CADPS: variants seen among roughly 807,000 people sequenced by gnomAD.
The protein encoded by CADPS is calcium dependent secretion activator.
CADPS carries 57 observed loss-of-function variants against 167.3 expected under a neutral mutation model. That is an observed-to-expected ratio of 0.34 (90% CI 0.28 to 0.42). The LOEUF (loss-of-function observed/expected upper bound fraction) is 0.42, where lower values mean the gene tolerates loss of function less well. Ranked by LOEUF, CADPS falls within the 20% of genes least tolerant of loss-of-function variation. The pLI, the probability that CADPS is intolerant of heterozygous loss-of-function variation, is 1.00. For synonymous variants in CADPS, 676 were observed against 635.3 expected, an observed-to-expected ratio of 1.06 and a Z score of -0.96; for missense variants, 1,414 against 1,738.1, an observed-to-expected ratio of 0.81 and a Z score of 3.32.
rs572398871 is a variant in CADPS, at chr3:62,433,395, T to TG, written c.3777+4708dup. ...CAGCCCCTTCCGAAGCTGACCACAC[T>TG]GCTTGATTAAGTTCTTACGAGGTGG... On this transcript the variant is annotated intron_variant, in intron 28 of 29. Coordinates refer to ENST00000383710, the MANE Select transcript of CADPS (RefSeq NM_003716.4). The surrounding 1 kb of genome is among the most constrained non-coding windows in gnomAD (Gnocchi z 4.7). Among the ~76,000 whole-genome samples, 192 of 152,270 alleles carry TG rather than the reference T, an allele frequency of 1.3e-3. No individual in the cohort carries two copies. The highest frequency in any genetic ancestry group is 4.1e-3 in the African/African-American group (169 of 41,562).
intron 1 of CADPS, among the ~76,000 whole-genome samples, chr3:62,774,843 CT>C (rs1301833860): frequency 6.6e-6 from 1 of 152,040 alleles, no homozygotes; most frequent in Non-Finnish European, 1.5e-5. Context: ...TTGTAATAGC[CT>C]TTTCAGACAA....
intron 3 of CADPS, among the ~76,000 whole-genome samples, chr3:62,722,752 A>T (rs924529401): frequency 3.9e-5 from 6 of 152,222 alleles, no homozygotes; most frequent in African/African-American, 1.4e-4. Flanking sequence ...AGATTGATCC[A>T]GCGTATAGTT....
At chr3:62,567,040 G>A (rs1045133537) in intron 9 of CADPS, among the ~76,000 whole-genome samples, 7 of 152,142 alleles carry the variant, frequency 4.6e-5, no homozygotes, top group African/African-American at 1.7e-4. Context: ...AGAAGGCTCA[G>A]TGTGAAGGCT....
chr3:62,766,320 T>C (rs1056522209), intron 1 of CADPS, among the ~76,000 whole-genome samples: 6 of 152,172 alleles, frequency 3.9e-5, no homozygotes, highest in African/African-American at 1.4e-4. Flanking sequence ...AAATTCTATA[T>C]AAGGGAGTGC....
intron 17 of CADPS, among the ~76,000 whole-genome samples, chr3:62,501,028 TGGG>T (rs2065684821): frequency 6.6e-6 from 1 of 152,136 alleles, no homozygotes; most frequent in African/African-American, 2.4e-5. Context: ...AGTGTGAAAA[TGGG>T]CTTCCTGGAT....
rs961392717 is a variant in CADPS, at chr3:62,446,566, G to T, written c.3637-769C>A. On this transcript the variant is annotated intron_variant, in intron 26 of 29. Coordinates refer to ENST00000383710, the MANE Select transcript of CADPS (RefSeq NM_003716.4). This position sits in a 1 kb window ranked among gnomAD's most constrained non-coding sequence, Gnocchi z 4.9. Reference sequence around the variant, plus strand: ...GCCTCTGTTACCTCATCTGCAAAATGGAGTTATTATTAGTAATAGTGCTTA... The same window carrying T: ...GCCTCTGTTACCTCATCTGCAAAATTGAGTTATTATTAGTAATAGTGCTTA... Among the ~76,000 whole-genome samples, 2 of 152,136 alleles carry T rather than the reference G, an allele frequency of 1.3e-5. No individual in the cohort carries two copies. The highest frequency in any genetic ancestry group is 4.8e-5 in the African/African-American group (2 of 41,416).
chr3:62,827,531 G>A (rs1424851448), intron 1 of CADPS, among the ~76,000 whole-genome samples: 2 of 152,186 alleles, frequency 1.3e-5, no homozygotes, highest in African/African-American at 4.8e-5. Flanking sequence ...GGTTTCAAAT[G>A]AGATGCCTTT....
chr3:62,649,967 C>T lies in CADPS; in HGVS notation c.1203+880G>A, dbSNP rs1464654679. Among the ~76,000 whole-genome samples the T allele has an allele frequency of 7.2e-5, 11 of 151,988 alleles. No individual in the cohort carries two copies. In the South Asian group the frequency reaches 8.3e-4, roughly 11 times the overall value. The stretch of plus-strand genomic sequence containing the variant: ...ATTGTACGGGTATACCCCATTTTGT[C>T]GATCCATTCACCAGTTGGTTAACAT... On this transcript the variant is annotated intron_variant, in intron 5 of 29. Transcript: ENST00000383710.
intron 28 of CADPS, among the ~76,000 whole-genome samples, chr3:62,405,152 T>G (rs1256175873): frequency 1.2e-4 from 15 of 126,718 alleles, no homozygotes; most frequent in Non-Finnish European, 3.2e-5. Context: ...GGGGGGGGGC[T>G]CAACAGATCT....
chr3:62,536,830 G>A (rs1428156027), intron 11 of CADPS, among the ~76,000 whole-genome samples: 1 of 152,106 alleles, frequency 6.6e-6, no homozygotes, highest in Admixed American at 6.6e-5. Flanking sequence ...CACATTTCCA[G>A]TGCATTTATG....
chr3:62,680,082 A>C (rs2076916944), intron 3 of CADPS, among the ~76,000 whole-genome samples: 1 of 152,012 alleles, frequency 6.6e-6, no homozygotes, highest in Admixed American at 6.6e-5. Flanking sequence ...GAGCACCGTA[A>C]TCAGGTTTGT....
intron 1 of CADPS, among the ~76,000 whole-genome samples, chr3:62,867,867 A>G (rs1475817694): frequency 6.6e-6 from 1 of 152,096 alleles, no homozygotes; most frequent in African/African-American, 2.4e-5. Context: ...TACCACTACA[A>G]TTCCCATTTC....
At position 62,478,009 on chromosome 3, in the gene CADPS, G is replaced by T. The variant is rs533421371; in HGVS notation, c.3329+252C>A. The T allele has an allele frequency of 5.5e-5, 25 of 456,718 alleles. No individual in the cohort carries two copies. In the South Asian group the frequency reaches 9.6e-4, roughly 17 times the overall value. 28.3% of individuals were successfully genotyped at this position (456,718 alleles called of 1,614,324 possible). On this transcript the variant is annotated intron_variant, in intron 23 of 29. Coordinates refer to ENST00000383710, the MANE Select transcript of CADPS (RefSeq NM_003716.4). This position sits in a 1 kb window ranked among gnomAD's most constrained non-coding sequence, Gnocchi z 5.7. The stretch of plus-strand genomic sequence containing the variant: ...TCAGGGATACAAAAAAGAATGGACA[G>T]GGATCTTTTCCTCTTAAAGCCAACA...
Position 62,516,681 on chromosome 3 carries a change from T to C in CADPS, c.2394-38A>G, listed in dbSNP as rs747394919. 10 of 1,449,794 alleles carry C rather than the reference T, an allele frequency of 6.9e-6. No individual in the cohort carries two copies. The East Asian group carries it at 2.3e-4, about 33-fold the overall frequency. The allele number at this position is 1,449,794 out of a possible 1,614,324, so 89.8% of individuals were successfully genotyped here. Reference sequence around the variant, plus strand: ...AAATTCTTCAGGTTGCCTAAATTATTACATTTTAGCATGAAATATGCTGCA... The same window carrying C: ...AAATTCTTCAGGTTGCCTAAATTATCACATTTTAGCATGAAATATGCTGCA... On this transcript the variant is annotated intron_variant, in intron 14 of 29. Coordinates refer to ENST00000383710, the MANE Select transcript of CADPS (RefSeq NM_003716.4).
chr3:62,693,038 C>T (rs201908038), intron 3 of CADPS, among the ~76,000 whole-genome samples: 10 of 12,642 alleles, frequency 7.9e-4, no homozygotes, highest in Non-Finnish European at 1.2e-3. Flanking sequence ...AATTTCTTGG[C>T]CATCAAGTTT....
intron 5 of CADPS, among the ~76,000 whole-genome samples, chr3:62,647,094 G>T (rs557980543): frequency 6.6e-6 from 1 of 152,144 alleles, no homozygotes; most frequent in East Asian, 1.9e-4. Context: ...AGAAGAAAGA[G>T]ATCAATTTAA....
intron 3 of CADPS, among the ~76,000 whole-genome samples, chr3:62,727,467 A>G (rs1163656671): frequency 6.6e-6 from 1 of 151,808 alleles, no homozygotes; most frequent in Non-Finnish European, 1.5e-5. Flanking sequence ...CCCAATACCC[A>G]CCTTTTCTCT....
chr3:62,729,331 T>G (rs940854062), intron 3 of CADPS, among the ~76,000 whole-genome samples: 1 of 151,714 alleles, frequency 6.6e-6, no homozygotes, highest in Non-Finnish European at 1.5e-5. Flanking sequence ...TTAAGAAAAA[T>G]TGTCAGGGAG....
chr3:62,677,414 G>A (rs989083504), intron 3 of CADPS, among the ~76,000 whole-genome samples: 2 of 152,144 alleles, frequency 1.3e-5, no homozygotes, highest in Non-Finnish European at 2.9e-5. Context: ...GTTCTCAGTA[G>A]TTATTACTTG....
Sources: gnomAD v4.1 joint callset for allele counts (sites outside exome capture counted in the v4.1 genomes callset) on GRCh38, gnomAD v4.1.1 for gene constraint, Gnocchi (gnomAD v3.1) non-coding constraint, MANE v1.5 for transcripts, NCBI Gene and HGNC (gene_info 2026-07-23, HGNC 2026-07-21) for gene names.